The following ABCA4 variants were observed in gnomAD, a reference collection of about 807,000 sequenced individuals.
ABCA4 encodes the protein ATP binding cassette subfamily A member 4.
A neutral mutation model predicts 263.7 loss-of-function variants in ABCA4; 196 were observed. That is an observed-to-expected ratio of 0.74 (90% CI 0.66 to 0.84). The LOEUF (loss-of-function observed/expected upper bound fraction) is 0.84, where lower values mean the gene tolerates loss of function less well. ABCA4 is among the 40% of genes least tolerant of loss of function. The probability of loss-of-function intolerance (pLI) is 0.00; values close to 1 mark genes in which losing one functional copy is unlikely to be tolerated. For synonymous variants in ABCA4, 1,133 were observed against 1,094.2 expected (o/e 1.04, Z -0.70); for missense variants, 2,792 against 2,855.1 (o/e 0.98, Z 0.50).
intron 31 of ABCA4, among the ~76,000 whole-genome samples, chr1:94,024,737 C>A (rs1342109955): frequency 1.3e-5 from 2 of 152,084 alleles, no homozygotes; most frequent in African/African-American, 2.4e-5. Context: ...TAAAAACAAA[C>A]AAACAAACAA....
intron 11 of ABCA4, among the ~76,000 whole-genome samples, chr1:94,072,006 C>T (rs980601474): frequency 2.0e-5 from 3 of 152,196 alleles, no homozygotes; most frequent in Non-Finnish European, 4.4e-5. Flanking sequence ...ATATCTGAGT[C>T]TAAAGTACAT....
intron 40 of ABCA4, among the ~76,000 whole-genome samples, chr1:94,009,189 T>C (rs1462290379): frequency 6.6e-6 from 1 of 152,092 alleles, no homozygotes; most frequent in African/African-American, 2.4e-5. Flanking sequence ...TCTCATAGGA[T>C]TGTGCTGAAG....
At position 94,079,316 on chromosome 1, in the gene ABCA4, T is replaced by C; in HGVS notation, c.1239+6A>G. The C allele has an allele frequency of 6.2e-7, 1 of 1,614,074 alleles. No homozygotes were observed. The highest frequency in any genetic ancestry group is 8.5e-7 in the Non-Finnish European group (1 of 1,180,006). ...GTACACAAGGCAAGCCCAGCTGGGATCTTACATTCTTCAGTATCCTTCGTG... is the reference window on the plus strand; with the variant it reads ...GTACACAAGGCAAGCCCAGCTGGGACCTTACATTCTTCAGTATCCTTCGTG... On this transcript the variant is annotated splice_donor_region_variant and intron_variant, in intron 9 of 49. Transcript: ENST00000370225.
At chr1:94,043,989 C>T (rs1660594565) in intron 20 of ABCA4, among the ~76,000 whole-genome samples, 1 of 151,766 alleles carries the variant, frequency 6.6e-6, no homozygotes, top group Non-Finnish European at 1.5e-5. Flanking sequence ...CTTCCTCCCT[C>T]CTTCCCTTTC....
intron 17 of ABCA4, among the ~76,000 whole-genome samples, chr1:94,049,827 A>AACAC (rs146353973): frequency 0.027 from 4,041 of 149,494 alleles, 178 homozygotes; most frequent in African/African-American, 0.094. Context: ...ACACGCATTG[A>AACAC]ACACACACAC....
At chr1:94,010,713 C>T (rs1345228776) in intron 40 of ABCA4, 87 bp downstream of exon 40, 3 of 1,592,998 alleles carry the variant, frequency 1.9e-6, no homozygotes, top group Non-Finnish European at 2.6e-6. Flanking sequence ...AGTGGGGCTC[C>T]TGAGGAAAGA....
At chr1:94,117,019 T>TTTCTTTCTTTCTTTCTTTCTTTC (rs981462171) in intron 1 of ABCA4, among the ~76,000 whole-genome samples, 2 of 144,414 alleles carry the variant, frequency 1.4e-5, no homozygotes, top group African/African-American at 5.2e-5. Context: ...TCTTTCTTTC[T>TTTCTTTCTTTCTTTCTTTCTTTC]TTCTTTCCTT....
chr1:94,046,548 A>T (rs561933870), intron 19 of ABCA4, among the ~76,000 whole-genome samples: 2 of 151,660 alleles, frequency 1.3e-5, no homozygotes, highest in Non-Finnish European at 2.9e-5. Flanking sequence ...CCATGACTTG[A>T]TCACCACCAT....
chr1:94,088,352 C>A (rs1231816474), intron 6 of ABCA4, among the ~76,000 whole-genome samples: 1 of 152,168 alleles, frequency 6.6e-6, no homozygotes, highest in African/African-American at 2.4e-5. Context: ...CAAGGGCCTC[C>A]CTTGCTCCTC....
At chr1:94,109,064 G>A (rs958490567) in intron 3 of ABCA4, among the ~76,000 whole-genome samples, 2 of 152,180 alleles carry the variant, frequency 1.3e-5, no homozygotes, top group African/African-American at 4.8e-5. Context: ...GAGCCACCGT[G>A]CTTGGCCATC....
At chr1:94,019,128 G>T (rs188321984) in intron 36 of ABCA4, among the ~76,000 whole-genome samples, 1 of 148,626 alleles carries the variant, frequency 6.7e-6, no homozygotes, top group African/African-American at 2.5e-5. Context: ...AAATTTAACT[G>T]GGTGTCCTGT....
At chr1:94,007,462 T>C (rs1295527180) in intron 43 of ABCA4, among the ~76,000 whole-genome samples, 172 bp downstream of exon 43, 1 of 145,568 alleles carries the variant, frequency 6.9e-6, no homozygotes, top group Admixed American at 6.8e-5. Context: ...CACTTTTCCA[T>C]TGGGTCTATG....
intron 19 of ABCA4, among the ~76,000 whole-genome samples, chr1:94,046,160 C>T (rs186051427): frequency 2.0e-5 from 3 of 151,852 alleles, no homozygotes; most frequent in East Asian, 3.9e-4. Context: ...TAGCAGGACT[C>T]GGCCTGGTGC....
chr1:94,103,966 A>G (rs7533380), intron 4 of ABCA4, among the ~76,000 whole-genome samples: 16 of 152,298 alleles, frequency 1.1e-4, no homozygotes, highest in African/African-American at 3.9e-4. Flanking sequence ...GGGGCAAGTG[A>G]TTGAGCCTGT....
intron 3 of ABCA4, among the ~76,000 whole-genome samples, chr1:94,109,410 A>G (rs1413529711): frequency 6.6e-6 from 1 of 152,208 alleles, no homozygotes; most frequent in Non-Finnish European, 1.5e-5. Flanking sequence ...TTCATCCACA[A>G]GGACCTCCCT....
intron 1 of ABCA4, among the ~76,000 whole-genome samples, chr1:94,117,791 T>G (rs867988175): frequency 2.6e-5 from 4 of 152,154 alleles, no homozygotes; most frequent in Middle Eastern, 3.2e-3. Flanking sequence ...ACAGTAATTA[T>G]ACGTGGGAGC....
intron 24 of ABCA4, 61 bp downstream of exon 24, chr1:94,039,982 C>A: frequency 2.1e-6 from 3 of 1,399,776 alleles, no homozygotes; most frequent in East Asian, 2.4e-5. Context: ...ACAGGACACA[C>A]CCAGCAATAC....
chr1:94,023,502 G>T, intron 31 of ABCA4, 84 bp from the exon 32 acceptor site: 1 of 1,230,682 alleles, frequency 8.1e-7, no homozygotes, highest in South Asian at 1.3e-5. Context: ...TCATTTTGAA[G>T]ACTGAAGTCT....
At chr1:94,109,767 G>A (rs1018261639) in intron 3 of ABCA4, among the ~76,000 whole-genome samples, 2 of 152,216 alleles carry the variant, frequency 1.3e-5, no homozygotes, top group Non-Finnish European at 2.9e-5. Context: ...CTGTGAGAAT[G>A]TCTAGTATCC....
Sources: gnomAD v4.1 joint callset for allele counts (sites outside exome capture counted in the v4.1 genomes callset) on GRCh38, gnomAD v4.1.1 for gene constraint, MANE v1.5 for transcripts, NCBI Gene and HGNC (gene_info 2026-07-23, HGNC 2026-07-21) for gene names.